The following SKIC8 variants were observed in gnomAD, a reference collection of about 807,000 sequenced individuals.
The protein encoded by SKIC8 is SKI8 subunit of superkiller complex.
the SKIC8 span, chr15:78,290,101 T>C: frequency 6.2e-7 from 1 of 1,606,356 alleles, no homozygotes; most frequent in Non-Finnish European, 8.5e-7. Context: ...AGGCATCCAC[T>C]GAACAGAAAA....
chr15:78,288,337 T>A, the SKIC8 span: 1 of 1,613,924 alleles, frequency 6.2e-7, no homozygotes, highest in Admixed American at 1.7e-5. Context: ...GACAAGGAGC[T>A]GGGAGTCCGG....
At chr15:78,289,919 CAGA>C in the SKIC8 span, 1 of 1,604,784 alleles carries the variant, frequency 6.2e-7, no homozygotes. Flanking sequence ...CTGAAAGAAT[CAGA>C]AGGAGAACAG....
the SKIC8 span, among the ~76,000 whole-genome samples, chr15:78,298,559 A>G: frequency 6.6e-6 from 1 of 152,186 alleles, no homozygotes; most frequent in Admixed American, 6.5e-5. Flanking sequence ...TTTTATTATT[A>G]TTGTTGTTAT....
At chr15:78,286,754 C>T in the SKIC8 span, 2 of 152,248 alleles carry the variant, frequency 1.3e-5, no homozygotes, top group African/African-American at 4.8e-5. Context: ...TAAACACAGA[C>T]CTCAGCAGAG....
chr15:78,289,044 A>G, the SKIC8 span: 2 of 357,716 alleles, frequency 5.6e-6, no homozygotes, highest in South Asian at 4.3e-5. Flanking sequence ...AGATTACGAT[A>G]TAATAAATAA....
the SKIC8 span, chr15:78,295,203 T>C: frequency 1.9e-5 from 11 of 577,344 alleles, no homozygotes; most frequent in Non-Finnish European, 3.1e-5. Context: ...TCCTTCCTAC[T>C]ACCCAAACTC....
chr15:78,290,754 C>T, the SKIC8 span: 2 of 151,826 alleles, frequency 1.3e-5, no homozygotes, highest in African/African-American at 4.8e-5. Context: ...ATGGCCTGGT[C>T]TAGTTTTATG....
At chr15:78,295,028 A>G in the SKIC8 span, 2 of 1,609,156 alleles carry the variant, frequency 1.2e-6, no homozygotes, top group African/African-American at 2.7e-5. Context: ...GATGTCTCAC[A>G]TTGCCTCCAG....
chr15:78,293,054 C>T, the SKIC8 span: 4 of 943,548 alleles, frequency 4.2e-6, no homozygotes, highest in Non-Finnish European at 6.5e-6. Context: ...CACCATATTG[C>T]TATTGCTTTC....
At chr15:78,295,401 C>CTTTTTTTTTTTTTTTTTTTTTTTTT in the SKIC8 span, 1 of 393,862 alleles carries the variant, frequency 2.5e-6, no homozygotes, top group Non-Finnish European at 4.6e-6. Flanking sequence ...CTATTCTGAT[C>CTTTTTTTTTTTTTTTTTTTTTTTTT]TTTTTTTTTT....
the SKIC8 span, among the ~76,000 whole-genome samples, chr15:78,297,829 AAG>A: frequency 6.6e-6 from 1 of 152,210 alleles, no homozygotes; most frequent in African/African-American, 2.4e-5. Context: ...CCAGCCTAAA[AAG>A]CTGCCGAAGG....
chr15:78,284,901 T>C, the SKIC8 span: 1 of 229,652 alleles, frequency 4.4e-6, no homozygotes, highest in Non-Finnish European at 8.5e-6. Context: ...TGGAATCTCC[T>C]GAAGAGGAAG....
chr15:78,285,941 T>C, the SKIC8 span: 1 of 980,552 alleles, frequency 1.0e-6, no homozygotes, highest in Non-Finnish European at 1.4e-6. Flanking sequence ...GCTAACTGAA[T>C]AAAAAAGGGT....
the SKIC8 span, chr15:78,295,855 C>G: frequency 4.2e-6 from 3 of 717,780 alleles, no homozygotes; most frequent in Admixed American, 3.4e-5. Flanking sequence ...TTCTATGGAT[C>G]AGTCCCTGGA....
the SKIC8 span, chr15:78,288,460 T>A: frequency 2.9e-6 from 4 of 1,389,254 alleles, no homozygotes; most frequent in Admixed American, 1.8e-5. Flanking sequence ...ATGCCCCTTT[T>A]AATGATTATG....
At chr15:78,286,172 T>C in the SKIC8 span, 1 of 1,566,172 alleles carries the variant, frequency 6.4e-7, no homozygotes, top group Non-Finnish European at 8.8e-7. Context: ...GAGATGTTAA[T>C]TTCTACAGTA....
chr15:78,290,584 A>G, the SKIC8 span: 1 of 152,816 alleles, frequency 6.5e-6, no homozygotes, highest in Non-Finnish European at 1.5e-5. Flanking sequence ...TTCTCCATGC[A>G]TATTTTCAAG....
chr15:78,295,497 T>C, the SKIC8 span: 6 of 750,144 alleles, frequency 8.0e-6, no homozygotes, highest in Non-Finnish European at 1.4e-5. Context: ...CCTCTCAGTA[T>C]TTGCATTTCA....
At chr15:78,291,237 C>T in the SKIC8 span, 1 of 152,232 alleles carries the variant, frequency 6.6e-6, no homozygotes, top group African/African-American at 2.4e-5. Context: ...CTTCAGCTGC[C>T]TTGTGCCCAG....
Sources: gnomAD v4.1 joint callset for allele counts (sites outside exome capture counted in the v4.1 genomes callset) on GRCh38, gnomAD v4.1.1 for gene constraint, MANE v1.5 for transcripts, NCBI Gene and HGNC (gene_info 2026-07-23, HGNC 2026-07-21) for gene names.